Variants in ZNF385D observed in about 807,000 individuals in gnomAD.
ZNF385D encodes the protein zinc finger protein 659.
In ZNF385D, 15 loss-of-function variants were observed where a neutral mutation model predicts 35.8. The ratio of observed to expected loss-of-function variants is 0.42; its 90% CI spans 0.28 to 0.64. ZNF385D has a LOEUF of 0.64. Among genes scored for constraint, ZNF385D ranks in the 30% least tolerant of loss-of-function variants. The probability of loss-of-function intolerance (pLI) is 0.23; values close to 1 mark genes in which losing one functional copy is unlikely to be tolerated. For synonymous variants in ZNF385D, 212 were observed against 186.8 expected (o/e 1.13, Z -1.10); for missense variants, 474 against 494.6 (o/e 0.96, Z 0.39).
chr3:22,071,004 A>T (rs55876262), intron 3 of ZNF385D, among the ~76,000 whole-genome samples: 20,236 of 152,110 alleles, frequency 0.13, 1,729 homozygotes, highest in Non-Finnish European at 0.17. Flanking sequence ...AAAGATTTTT[A>T]CCTGTTCAGT....
chr3:22,253,217 G>C (rs1259414273), intron 2 of ZNF385D, among the ~76,000 whole-genome samples: 2 of 152,010 alleles, frequency 1.3e-5, no homozygotes, highest in Non-Finnish European at 2.9e-5. Context: ...GGGAGACTTA[G>C]AAAGGGCTGT....
intron 3 of ZNF385D, among the ~76,000 whole-genome samples, chr3:21,775,001 A>G (rs1001014916): frequency 6.6e-6 from 1 of 151,872 alleles, no homozygotes; most frequent in Non-Finnish European, 1.5e-5. Context: ...CACTGCAGTT[A>G]AAATACTCCC....
intron 3 of ZNF385D, among the ~76,000 whole-genome samples, chr3:21,783,076 TCTC>T: frequency 6.6e-6 from 1 of 152,276 alleles, no homozygotes; most frequent in Middle Eastern, 3.4e-3. Flanking sequence ...TGATCACTAC[TCTC>T]CTGATTTTTG....
At chr3:21,470,155 T>C (rs1703793918) in intron 4 of ZNF385D, among the ~76,000 whole-genome samples, 1 of 152,208 alleles carries the variant, frequency 6.6e-6, no homozygotes, top group Non-Finnish European at 1.5e-5. Context: ...ATGTACCTTT[T>C]TATATTTTGT....
intron 4 of ZNF385D, among the ~76,000 whole-genome samples, chr3:21,485,762 T>C (rs902228018): frequency 6.6e-5 from 10 of 152,198 alleles, no homozygotes; most frequent in Admixed American, 1.3e-4. Context: ...GAGGCCTTAA[T>C]TGCATTATTG....
intron 4 of ZNF385D, among the ~76,000 whole-genome samples, chr3:21,450,815 T>G (rs1702411576): frequency 6.6e-6 from 1 of 152,188 alleles, no homozygotes; most frequent in Non-Finnish European, 1.5e-5. Flanking sequence ...GTTATTTGCT[T>G]TTCTTTAAAA....
At chr3:21,948,965 A>AT (rs1234356768) in intron 3 of ZNF385D, among the ~76,000 whole-genome samples, 1 of 152,052 alleles carries the variant, frequency 6.6e-6, no homozygotes, top group Non-Finnish European at 1.5e-5. Context: ...GGAATGGTCT[A>AT]TTTTTCCTTC....
Position 22,302,946 on chromosome 3 carries a change from A to C in ZNF385D, c.106+69504T>G, listed in dbSNP as rs1203062511. 2.0e-5 allele frequency among the ~76,000 whole-genome samples: 3 copies of C among 152,154 alleles called. No individual in the cohort carries two copies. The South Asian group carries it at 6.2e-4, about 31-fold the overall frequency. ...GTTTTCATCTGTTCTTAGTTTCATA[A>C]GAGTTTTAATCATAGAAACGTGTAA... On this transcript the variant is annotated intron_variant, in intron 2 of 5. Coordinates refer to the ZNF385D transcript ENST00000494108.
At chr3:21,913,225 G>A (rs1700048158) in intron 3 of ZNF385D, among the ~76,000 whole-genome samples, 1 of 152,090 alleles carries the variant, frequency 6.6e-6, no homozygotes, top group Non-Finnish European at 1.5e-5. Context: ...GTCAGAGAAG[G>A]AACAGTGTCA....
intron 3 of ZNF385D, among the ~76,000 whole-genome samples, chr3:21,758,263 C>G (rs1260281088): frequency 1.3e-5 from 2 of 152,170 alleles, no homozygotes; most frequent in African/African-American, 4.8e-5. Context: ...GATGTTAATT[C>G]CTTGGCGGTT....
intron 3 of ZNF385D, among the ~76,000 whole-genome samples, chr3:22,127,834 A>AAAC (rs1703527219): frequency 6.6e-6 from 1 of 152,000 alleles, no homozygotes; most frequent in South Asian, 2.1e-4. Flanking sequence ...GTTTCTGTTT[A>AAAC]TATCATACTA....
chr3:22,199,788 C>A (rs75580050), intron 2 of ZNF385D, among the ~76,000 whole-genome samples: 4,371 of 151,984 alleles, frequency 0.029, 213 homozygotes, highest in African/African-American at 0.099. Flanking sequence ...AGAATTAATA[C>A]CCAGTCAACA....
At chr3:21,813,870 C>T (rs796456420) in intron 3 of ZNF385D, among the ~76,000 whole-genome samples, 20 of 152,066 alleles carry the variant, frequency 1.3e-4, no homozygotes, top group Middle Eastern at 3.4e-3. Flanking sequence ...AGATAGTCCT[C>T]GAGAAGAGCA....
At chr3:22,248,064 C>G (rs1052534783) in intron 2 of ZNF385D, among the ~76,000 whole-genome samples, 2 of 152,016 alleles carry the variant, frequency 1.3e-5, no homozygotes, top group African/African-American at 2.4e-5. Flanking sequence ...ATCTGGTAGC[C>G]CTCAATCAAG....
chr3:22,079,346 A>G (rs1333009804), intron 3 of ZNF385D, among the ~76,000 whole-genome samples: 1 of 152,036 alleles, frequency 6.6e-6, no homozygotes, highest in Non-Finnish European at 1.5e-5. Flanking sequence ...TAAGAATCCA[A>G]TAAATAAATT....
At chr3:22,230,981 A>T (rs928495455) in intron 2 of ZNF385D, among the ~76,000 whole-genome samples, 32 of 152,102 alleles carry the variant, frequency 2.1e-4, no homozygotes, top group Non-Finnish European at 4.6e-4. Context: ...GACTTCCCAG[A>T]AGGGCAATCT....
chr3:22,213,268 T>C (rs1697643079), intron 2 of ZNF385D, among the ~76,000 whole-genome samples: 1 of 138,640 alleles, frequency 7.2e-6, no homozygotes, highest in African/African-American at 2.7e-5. Flanking sequence ...CAGTCTCTGA[T>C]GCATATTCTT....
At position 22,099,483 on chromosome 3, in the gene ZNF385D, T is replaced by C. The variant is rs771409948; in HGVS notation, c.325+69334A>G. Among the ~76,000 whole-genome samples, 32 of 152,220 alleles carry C rather than the reference T, an allele frequency of 2.1e-4. 1 individual carries two copies. Among genetic ancestry groups the C allele is most frequent in the Admixed American group, 1.4e-3 (22 of 15,258 alleles). ...TCCAGCTTGTCTCAAAGTCTTGCTA[T>C]AAAGACTGAGAAACAAGGATAACTA... is the stretch of plus-strand genomic sequence containing the variant. On this transcript the variant is annotated intron_variant, in intron 3 of 5. Transcript: ENST00000494108.
intron 2 of ZNF385D, among the ~76,000 whole-genome samples, chr3:21,617,102 A>G (rs60164468): frequency 0.017 from 2,632 of 152,290 alleles, 77 homozygotes; most frequent in African/African-American, 0.059. Context: ...TGTGACATCA[A>G]TAACAATTTC....
Sources: allele counts gnomAD v4.1 joint callset (sites outside exome capture counted in the v4.1 genomes callset), GRCh38; gene constraint gnomAD v4.1.1; transcripts MANE v1.5; gene names NCBI Gene and HGNC (gene_info 2026-07-23, HGNC 2026-07-21).